The following TMEM182 variants were observed in gnomAD, a reference collection of about 807,000 sequenced individuals.
TMEM182 encodes the protein transmembrane protein 182.
In TMEM182, 20 loss-of-function variants were observed where a neutral mutation model predicts 26.8. The ratio of observed to expected loss-of-function variants is 0.75; its 90% CI spans 0.53 to 1.09. The LOEUF (loss-of-function observed/expected upper bound fraction) is 1.09. Ranked by LOEUF, TMEM182 falls within the 50% of genes least tolerant of loss-of-function variation. The pLI, the probability that TMEM182 is intolerant of heterozygous loss-of-function variation, is 0.00. For missense variants in TMEM182, 277 were observed against 275.5 expected (o/e 1.01, Z -0.04); for synonymous variants, 109 against 102.2 (o/e 1.07, Z -0.40).
At chr2:102,738,472 G>T (rs1050639118) in intron 1 of TMEM182, among the ~76,000 whole-genome samples, 1 of 152,102 alleles carries the variant, frequency 6.6e-6, no homozygotes, top group Non-Finnish European at 1.5e-5. Context: ...GTGCGCGCCT[G>T]TAGTCCCAGC....
chr2:102,830,793 T>G (rs1683135302), intron 3 of TMEM182, among the ~76,000 whole-genome samples: 2 of 152,140 alleles, frequency 1.3e-5, no homozygotes, highest in Admixed American at 6.5e-5. Context: ...TCTTGTTCAT[T>G]CTTTATAACT....
chr2:102,827,950 G>A (rs1411928688), intron 3 of TMEM182, among the ~76,000 whole-genome samples: 2 of 152,112 alleles, frequency 1.3e-5, no homozygotes, highest in African/African-American at 4.8e-5. Context: ...AATTTGCCGG[G>A]TGTGATTGTG....
chr2:102,766,195 T>G (rs539885870), intron 3 of TMEM182, among the ~76,000 whole-genome samples: 2 of 152,322 alleles, frequency 1.3e-5, no homozygotes, highest in East Asian at 3.9e-4. Context: ...AAGCCTGCAC[T>G]TCAAGGAGAT....
chr2:102,769,354 CAAAA>C (rs1680585571), intron 3 of TMEM182, among the ~76,000 whole-genome samples: 1 of 151,876 alleles, frequency 6.6e-6, no homozygotes, highest in Non-Finnish European at 1.5e-5. Flanking sequence ...GGTAGCCAAA[CAAAA>C]AAGAGCTGGA....
intron 1 of TMEM182, among the ~76,000 whole-genome samples, chr2:102,746,600 T>C (rs1040849100): frequency 3.9e-5 from 6 of 152,104 alleles, no homozygotes; most frequent in Admixed American, 3.9e-4. Flanking sequence ...GTTACTTATT[T>C]TTTTTTTCTC....
downstream of TMEM182, among the ~76,000 whole-genome samples, chr2:102,819,135 A>T (rs968069786): frequency 6.6e-6 from 1 of 152,216 alleles, no homozygotes; most frequent in Admixed American, 6.5e-5. Context: ...GTCTTTTTAT[A>T]TGACAATTCA....
rs139614175 is a variant in TMEM182, at chr2:102,779,478, T to C, written c.331+15051T>C. Among the ~76,000 whole-genome samples, 1,139 of 152,336 alleles carry C rather than the reference T, an allele frequency of 7.5e-3. 17 individuals carry two copies. The highest frequency in any genetic ancestry group is 0.025 in the African/African-American group (1,057 of 41,576). Reference sequence around the variant, plus strand: ...GACGTGAATGTTAGACCTTTTGTTATAATTCTACAGATCTGTCAGTTTTTG... The same window carrying C: ...GACGTGAATGTTAGACCTTTTGTTACAATTCTACAGATCTGTCAGTTTTTG... On this transcript the variant is annotated intron_variant, in intron 3 of 4. Transcript: ENST00000412401.
At chr2:102,748,776 T>C (rs1162637009) in intron 1 of TMEM182, among the ~76,000 whole-genome samples, 1 of 152,212 alleles carries the variant, frequency 6.6e-6, no homozygotes, top group African/African-American at 2.4e-5. Flanking sequence ...GCTGATAACA[T>C]AAAAATGACA....
chr2:102,820,175 G>T (rs987835432), downstream of TMEM182, among the ~76,000 whole-genome samples: 1 of 152,196 alleles, frequency 6.6e-6, no homozygotes, highest in Non-Finnish European at 1.5e-5. Context: ...CTAGGGTGTT[G>T]TGTGGAATGT....
intron 4 of TMEM182, among the ~76,000 whole-genome samples, chr2:102,808,862 A>G (rs772838887): frequency 2.2e-4 from 33 of 152,328 alleles, no homozygotes; most frequent in Non-Finnish European, 4.3e-4. Context: ...TTCCATTTAT[A>G]ATGACGTTCT....
chr2:102,831,499 G>A (rs1683147746), intron 3 of TMEM182, among the ~76,000 whole-genome samples: 1 of 152,184 alleles, frequency 6.6e-6, no homozygotes, highest in South Asian at 2.1e-4. Flanking sequence ...GTTCATGCCT[G>A]TAATCCCAGC....
chr2:102,776,541 C>A (rs1680923956), intron 3 of TMEM182, among the ~76,000 whole-genome samples: 2 of 152,074 alleles, frequency 1.3e-5, no homozygotes, highest in African/African-American at 4.8e-5. Context: ...GTGGGTGTAT[C>A]ATTGTTTATG....
At chr2:102,775,568 G>A (rs1454001392) in intron 3 of TMEM182, 1 of 152,136 alleles carries the variant, frequency 6.6e-6, no homozygotes, top group Non-Finnish European at 1.5e-5. Flanking sequence ...GAAATAAAGG[G>A]TATTCAGTTA....
chr2:102,824,801 T>A (rs1400008302), intron 3 of TMEM182, among the ~76,000 whole-genome samples: 2 of 152,120 alleles, frequency 1.3e-5, no homozygotes, highest in African/African-American at 4.8e-5. Flanking sequence ...CACTCCAGCC[T>A]GGTGACAGAG....
chr2:102,800,349 G>C (rs1397849497), intron 4 of TMEM182, among the ~76,000 whole-genome samples: 1 of 152,128 alleles, frequency 6.6e-6, no homozygotes, highest in Non-Finnish European at 1.5e-5. Context: ...GTATGGGTTT[G>C]CCTATTCTGA....
At chr2:102,797,669 C>A in intron 3 of TMEM182, 194 bp from the exon 4 acceptor site, 1 of 582,668 alleles carries the variant, frequency 1.7e-6, no homozygotes, top group Non-Finnish European at 2.9e-6. Flanking sequence ...AGGTCACCAG[C>A]TTGGACATCA....
intron 4 of TMEM182, among the ~76,000 whole-genome samples, chr2:102,800,215 G>A (rs975365042): frequency 6.6e-6 from 1 of 152,124 alleles, no homozygotes. Flanking sequence ...TACATTCACA[G>A]AGTTGTGCAA....
In TMEM182 at chr2:102,816,900, A is replaced by T. The variant is rs1682775120; in HGVS notation, c.*1932A>T. On this transcript the variant is annotated 3_prime_UTR_variant, in exon 5 of 5. Transcript: ENST00000412401. ...AGCTGCTTTCGGCAAAGGCTTGAAT[A>T]TTTATAAATTTCAGATGGTTATCCT... is the stretch of plus-strand genomic sequence containing the variant. The T allele has an allele frequency of 1.0e-6, 1 of 985,656 alleles. No individual in the cohort carries two copies. Among genetic ancestry groups the T allele is most frequent in the Admixed American group, 6.1e-5 (1 of 16,268 alleles). 61.1% of individuals were successfully genotyped at this position (985,656 alleles called of 1,614,324 possible). A position where few individuals can be genotyped will look rare whatever the true frequency, so the allele number is the denominator to read the frequency against.
intron 4 of TMEM182, among the ~76,000 whole-genome samples, chr2:102,813,087 A>G (rs975344437): frequency 1.4e-4 from 22 of 152,196 alleles, no homozygotes; most frequent in Non-Finnish European, 2.9e-4. Flanking sequence ...CATTTATATT[A>G]CAGACCACGG....
Sources: allele counts gnomAD v4.1 joint callset (sites outside exome capture counted in the v4.1 genomes callset), GRCh38; gene constraint gnomAD v4.1.1; transcripts MANE v1.5; gene names NCBI Gene and HGNC (gene_info 2026-07-23, HGNC 2026-07-21).